Variants in NEO1 observed in about 807,000 individuals in gnomAD.
The protein encoded by NEO1 is neogenin 1, also known as neogenin.
A neutral mutation model predicts 159.7 loss-of-function variants in NEO1; 63 were observed. The ratio of observed to expected loss-of-function variants is 0.39; its 90% CI spans 0.32 to 0.49. NEO1 has a LOEUF of 0.49. Among genes scored for constraint, NEO1 ranks in the 20% least tolerant of loss-of-function variants. The pLI, the probability that NEO1 is intolerant of heterozygous loss-of-function variation, is 0.85. For synonymous variants in NEO1, 633 were observed against 662.0 expected (o/e 0.96, Z 0.67); for missense variants, 1,615 against 1,831.0 (o/e 0.88, Z 2.15).
chr15:73,209,998 T>C (rs1348940029), intron 7 of NEO1, among the ~76,000 whole-genome samples: 1 of 152,090 alleles, frequency 6.6e-6, no homozygotes. Flanking sequence ...AGCGAAACTC[T>C]GTCTAAAAAA....
chr15:73,168,929 G>C (rs965815131), intron 5 of NEO1, among the ~76,000 whole-genome samples: 4 of 151,690 alleles, frequency 2.6e-5, no homozygotes, highest in African/African-American at 9.7e-5. Flanking sequence ...GTGAATTACA[G>C]AAAAGAAGCA....
intron 15 of NEO1, among the ~76,000 whole-genome samples, chr15:73,260,871 A>G (rs2040589604): frequency 6.6e-6 from 1 of 152,184 alleles, no homozygotes; most frequent in South Asian, 2.1e-4. Context: ...AATTAAAAGT[A>G]TCTTGTGGAT....
At chr15:73,177,347 T>A (rs2035337772) in intron 6 of NEO1, among the ~76,000 whole-genome samples, 1 of 152,190 alleles carries the variant, frequency 6.6e-6, no homozygotes, top group African/African-American at 2.4e-5. Context: ...AATGTCTCAT[T>A]ACAAATTTGT....
At chr15:73,108,853 G>A (rs1333958554) in intron 1 of NEO1, among the ~76,000 whole-genome samples, 1 of 152,146 alleles carries the variant, frequency 6.6e-6, no homozygotes, top group East Asian at 1.9e-4. Context: ...TGGCACATGC[G>A]GAGGCCCCAG....
intron 3 of NEO1, among the ~76,000 whole-genome samples, chr15:73,124,051 T>G (rs746601460): frequency 4.6e-5 from 7 of 152,140 alleles, no homozygotes; most frequent in Non-Finnish European, 8.8e-5. Flanking sequence ...TGAGCGCCTG[T>G]GCACGCATAT....
intron 8 of NEO1, among the ~76,000 whole-genome samples, chr15:73,238,879 C>T (rs529163226): frequency 4.0e-4 from 61 of 152,016 alleles, no homozygotes; most frequent in Middle Eastern, 3.4e-3. Flanking sequence ...ACAAAGGTCT[C>T]GCTGGGTCAC....
Position 73,244,446 on chromosome 15 carries a change from G to A in NEO1, c.1554G>A (p.Lys518=), listed in dbSNP as rs1470637537. 5 of 1,613,936 alleles carry A rather than the reference G, an allele frequency of 3.1e-6. No individual in the cohort carries two copies. The highest frequency in any genetic ancestry group is 1.3e-5 in the African/African-American group (1 of 74,992). The change falls in exon 9 of 29, where the codon AAG becomes AAA. Residue 518 remains lysine, a synonymous_variant. Transcript: ENST00000261908. ...VYIFRVMAQN[K]HGSGESSAPL... ...TCTTTAGAGTTATGGCTCAAAATAA[G>A]CATGGCTCAGGAGAGAGTTCAGCTC... is the stretch of plus-strand genomic sequence containing the variant.
At chr15:73,205,151 T>G (rs1847258100) in intron 7 of NEO1, among the ~76,000 whole-genome samples, 1 of 152,186 alleles carries the variant, frequency 6.6e-6, no homozygotes, top group Non-Finnish European at 1.5e-5. Context: ...TTTGATTAAG[T>G]CTCAGGTTTT....
intron 7 of NEO1, among the ~76,000 whole-genome samples, chr15:73,195,322 T>C (rs1230184528): frequency 1.3e-5 from 2 of 152,220 alleles, no homozygotes; most frequent in African/African-American, 2.4e-5. Flanking sequence ...AATAATGTCA[T>C]AGTTGGCAAA....
intron 7 of NEO1, among the ~76,000 whole-genome samples, chr15:73,220,684 T>TC (rs1316519763): frequency 1.3e-5 from 2 of 152,224 alleles, no homozygotes; most frequent in African/African-American, 2.4e-5. Flanking sequence ...CATTTCATCT[T>TC]CATCGCTGAT....
intron 1 of NEO1, among the ~76,000 whole-genome samples, chr15:73,073,750 A>G (rs2151329911): frequency 6.6e-6 from 1 of 152,190 alleles, no homozygotes; most frequent in African/African-American, 2.4e-5. Context: ...AGTGTTGAGG[A>G]ATTGGTTGAC....
chr15:73,190,898 G>A (rs1414074007), intron 7 of NEO1, among the ~76,000 whole-genome samples: 1 of 151,874 alleles, frequency 6.6e-6, no homozygotes, highest in Non-Finnish European at 1.5e-5. Context: ...TTGTAATTCT[G>A]TGATTTTTTA....
chr15:73,202,527 T>C lies in NEO1; in HGVS notation c.1291+24100T>C, dbSNP rs186718022. ...CCTTTACAAGTTACCTTACCCAGAA[T>C]TGCCTGTGCTCATGATTCTTTCGTT... is the stretch of plus-strand genomic sequence containing the variant. On this transcript the variant is annotated intron_variant, in intron 7 of 28. Transcript: ENST00000261908. Among the ~76,000 whole-genome samples the C allele has an allele frequency of 2.1e-3, 320 of 152,294 alleles. 1 individual carries two copies. The highest frequency in any genetic ancestry group is 7.3e-3 in the African/African-American group (305 of 41,574).
intron 4 of NEO1, among the ~76,000 whole-genome samples, chr15:73,131,713 A>G (rs1162138929): frequency 1.3e-5 from 2 of 152,018 alleles, no homozygotes; most frequent in African/African-American, 4.8e-5. Context: ...AGCACTCTCA[A>G]CCCCCTACCC....
chr15:73,290,496 G>A (rs796568887), intron 25 of NEO1, among the ~76,000 whole-genome samples: 13 of 146,262 alleles, frequency 8.9e-5, no homozygotes, highest in African/African-American at 3.1e-4. Context: ...GCCTCCCAAA[G>A]TGCTGGGATT....
chr15:73,159,203 A>G (rs1284615757), intron 5 of NEO1, among the ~76,000 whole-genome samples: 2 of 152,228 alleles, frequency 1.3e-5, no homozygotes, highest in Non-Finnish European at 2.9e-5. Flanking sequence ...AAGCTGATAA[A>G]CACTACAAAC....
intron 22 of NEO1, among the ~76,000 whole-genome samples, chr15:73,278,665 C>G (rs1297620203): frequency 6.6e-6 from 1 of 152,186 alleles, no homozygotes; most frequent in Admixed American, 6.5e-5. Context: ...TGATGACACC[C>G]CCGTCTTTAC....
Position 73,122,681 on chromosome 15 carries a change from C to T in NEO1, c.605C>T (p.Pro202Leu). The T allele has an allele frequency of 6.2e-7, 1 of 1,614,106 alleles. No individual in the cohort carries two copies. The highest frequency in any genetic ancestry group is 8.5e-7 in the Non-Finnish European group (1 of 1,180,016). Residue 202 changes from proline to leucine, a missense_variant, in exon 3 of 29, where the codon CCA becomes CTA. Pro to Leu is a moderately conservative substitution (Grantham distance 98). Coordinates refer to ENST00000261908, the MANE Select transcript of NEO1 (RefSeq NM_002499.4). ...LLLDDRVIKL[P>L]SGMLVISNAT... ...CTGGATGATAGAGTTATCAAACTTC[C>T]AAGTGGAATGCTGGTTATCAGCAAT...
At chr15:73,238,086 A>T (rs1375118598) in intron 8 of NEO1, among the ~76,000 whole-genome samples, 2 of 152,080 alleles carry the variant, frequency 1.3e-5, no homozygotes, top group Non-Finnish European at 2.9e-5. Flanking sequence ...AATGCTCGGG[A>T]AATTTTGCAA....
Sources: allele counts gnomAD v4.1 joint callset (sites outside exome capture counted in the v4.1 genomes callset), GRCh38; gene constraint gnomAD v4.1.1; transcripts MANE v1.5; gene names NCBI Gene and HGNC (gene_info 2026-07-23, HGNC 2026-07-21).